The following TIMP2 variants were observed in gnomAD, a reference collection of about 807,000 sequenced individuals.
TIMP2 encodes TIMP metallopeptidase inhibitor 2, also known as metalloproteinase inhibitor 2.
TIMP2 carries 5 observed loss-of-function variants against 24.3 expected under a neutral mutation model. That is an observed-to-expected ratio of 0.21 (90% CI 0.11 to 0.43). The LOEUF (loss-of-function observed/expected upper bound fraction) is 0.43. Ranked by LOEUF, TIMP2 falls within the 20% of genes least tolerant of loss-of-function variation. The pLI is 1.00. For synonymous variants in TIMP2, 130 were observed against 123.2 expected, an observed-to-expected ratio of 1.06 and a Z score of -0.37; for missense variants, 221 against 297.5, an observed-to-expected ratio of 0.74 and a Z score of 1.89.
At chr17:78,856,017 C>A (rs956521705) in intron 4 of TIMP2, 153 bp from the exon 5 acceptor site, 2 of 733,990 alleles carry the variant, frequency 2.7e-6, no homozygotes, top group African/African-American at 3.5e-5. Context: ...CCTGCAGGGG[C>A]AGGCAGCTGG....
At position 78,870,997 on chromosome 17, in the gene TIMP2, C is replaced by T; in HGVS notation, c.241G>A (p.Gly81Arg). ...ATAAACTCTATATCCTTCTCAGGCCCTTTGAACATCTGGAAAGACAAGGAG... is the reference window on the plus strand; with the variant it reads ...ATAAACTCTATATCCTTCTCAGGCCTTTTGAACATCTGGAAAGACAAGGAG... Reference protein sequence around the residue: ...YEIKQIKMFKGPEKDIEFIYT... With the variant: ...YEIKQIKMFKRPEKDIEFIYT... The change falls in exon 3 of 5, where the codon GGG becomes AGG. Residue 81 changes from glycine (G) to arginine (R), a missense_variant. Gly to Arg is a moderately radical substitution (Grantham distance 125). Transcript: ENST00000262768. 1 of 1,611,616 alleles carries T rather than the reference C, an allele frequency of 6.2e-7. No individual in the cohort carries two copies.
chr17:78,896,194 A>G lies in TIMP2; in HGVS notation c.131-22275T>C, dbSNP rs527270583. Among the ~76,000 whole-genome samples, 178 of 152,068 alleles carry G rather than the reference A, an allele frequency of 1.2e-3. No homozygotes were observed. Among genetic ancestry groups the G allele is most frequent in the African/African-American group, 4.2e-3 (176 of 41,502 alleles). On this transcript the variant is annotated intron_variant, in intron 1 of 4. Coordinates refer to ENST00000262768, the MANE Select transcript of TIMP2 (RefSeq NM_003255.5). This position sits in a 1 kb window ranked among gnomAD's most constrained non-coding sequence, Gnocchi z 4.4. Reference sequence around the variant, plus strand: ...TGCTCTCCCCTCTGAGACCCTCCCCACTTACTAACTTGAGGCAGAGGGCAG... The same window carrying G: ...TGCTCTCCCCTCTGAGACCCTCCCCGCTTACTAACTTGAGGCAGAGGGCAG...
intron 1 of TIMP2, among the ~76,000 whole-genome samples, chr17:78,919,563 G>A (rs952939116): frequency 2.6e-5 from 4 of 152,126 alleles, no homozygotes; most frequent in Non-Finnish European, 4.4e-5. Context: ...TGCTGGGTGC[G>A]GTGGCTCAAG....
intron 1 of TIMP2, among the ~76,000 whole-genome samples, chr17:78,888,790 C>T (rs550400459): frequency 2.0e-5 from 3 of 152,190 alleles, no homozygotes; most frequent in Admixed American, 1.3e-4. Flanking sequence ...AGGGAGGTAG[C>T]GCACAGGTAG....
intron 1 of TIMP2, chr17:78,892,251 C>T (rs745769965): frequency 6.4e-7 from 1 of 1,550,894 alleles, no homozygotes; most frequent in South Asian, 1.2e-5. Context: ...TTGCCCCGGG[C>T]TTGTAGCAAT....
rs191950560 is a variant in TIMP2 at position 78,854,889 on chromosome 17, C to T, written c.*778G>A. 2 of 136,794 alleles carry T rather than the reference C, an allele frequency of 1.5e-5. No individual in the cohort carries two copies. Among genetic ancestry groups the T allele is most frequent in the Non-Finnish European group, 3.0e-5 (2 of 65,928 alleles). The allele number at this position is 136,794 out of a possible 1,614,324, so 8.5% of individuals were successfully genotyped here. A position where few individuals can be genotyped will look rare whatever the true frequency, so the allele number is the denominator to read the frequency against. ...CAGCAGCCTCAGGACAGGACCTCAC[C>T]GATTCCTCCTGCAAGCTGGGGAGCA... On this transcript the variant is annotated 3_prime_UTR_variant, in exon 5 of 5. Transcript: ENST00000262768.
intron 3 of TIMP2, among the ~76,000 whole-genome samples, chr17:78,864,151 G>A (rs2069589643): frequency 6.6e-6 from 1 of 152,136 alleles, no homozygotes; most frequent in Non-Finnish European, 1.5e-5. Flanking sequence ...TGCAGTCCTA[G>A]CTCACTGCAG....
Position 78,891,030 on chromosome 17 carries a change from G to A in TIMP2, c.131-17111C>T. 1 of 1,551,152 alleles carries A rather than the reference G, an allele frequency of 6.4e-7. No homozygotes were observed. Among genetic ancestry groups the A allele is most frequent in the South Asian group, 1.2e-5 (1 of 84,058 alleles). ...GCCGTCGAGCCCACTCTGTCTGCCT[G>A]GTCTTGAAGGTGGAGCTGAAGGGAG... On this transcript the variant is annotated intron_variant, in intron 1 of 4. Coordinates refer to ENST00000262768, the MANE Select transcript of TIMP2 (RefSeq NM_003255.5). The surrounding 1 kb of genome is among the most constrained non-coding windows in gnomAD (Gnocchi z 4.5).
chr17:78,906,605 C>G (rs1487658203), intron 1 of TIMP2, among the ~76,000 whole-genome samples: 1 of 151,882 alleles, frequency 6.6e-6, no homozygotes, highest in East Asian at 1.9e-4. Flanking sequence ...TTTTTTGAGA[C>G]AGAGTCTCGC....
In TIMP2 at chr17:78,896,712, G is replaced by A. The variant is rs1426975565; in HGVS notation, c.131-22793C>T. The stretch of plus-strand genomic sequence containing the variant: ...CAGCTCCCCCCTCCGCAGAAGCCGC[G>A]CTCGGAGCAGCAGAAGGAAGGCGAG... On this transcript the variant is annotated intron_variant, in intron 1 of 4. Coordinates refer to ENST00000262768, the MANE Select transcript of TIMP2 (RefSeq NM_003255.5). The surrounding 1 kb of genome is among the most constrained non-coding windows in gnomAD (Gnocchi z 4.4). Among the ~76,000 whole-genome samples the A allele has an allele frequency of 3.3e-5, 5 of 152,002 alleles. No individual in the cohort carries two copies. The highest frequency in any genetic ancestry group is 2.1e-4 in the South Asian group (1 of 4,822).
chr17:78,857,943 G>T (rs1001452192), intron 3 of TIMP2, among the ~76,000 whole-genome samples: 1 of 151,974 alleles, frequency 6.6e-6, no homozygotes, highest in African/African-American at 2.4e-5. Flanking sequence ...GGTGTCACAC[G>T]CCTGTAATCC....
chr17:78,888,661 C>T (rs1038205276), intron 1 of TIMP2, among the ~76,000 whole-genome samples: 6 of 152,178 alleles, frequency 3.9e-5, no homozygotes, highest in Non-Finnish European at 8.8e-5. Context: ...ATGTTGCCCA[C>T]GCTGGTCTCG....
At chr17:78,869,683 C>T (rs1325965695) in intron 3 of TIMP2, among the ~76,000 whole-genome samples, 6 of 151,976 alleles carry the variant, frequency 3.9e-5, no homozygotes, top group African/African-American at 1.4e-4. Context: ...GGTGTGGTGG[C>T]GTGTGCCTAT....
intron 1 of TIMP2, among the ~76,000 whole-genome samples, chr17:78,901,566 G>A (rs180792175): frequency 2.9e-3 from 445 of 152,224 alleles, no homozygotes; most frequent in Non-Finnish European, 5.1e-3. Flanking sequence ...AGGAGGTGAG[G>A]TGGGGCAAGG....
chr17:78,908,608 C>T (rs916931130), intron 1 of TIMP2, among the ~76,000 whole-genome samples: 2 of 152,208 alleles, frequency 1.3e-5, no homozygotes, highest in Admixed American at 6.5e-5. Context: ...GGCAAGTCAT[C>T]GGCTGCTCCC....
chr17:78,895,497 G>A (rs997777898), intron 1 of TIMP2, among the ~76,000 whole-genome samples: 1 of 152,208 alleles, frequency 6.6e-6, no homozygotes, highest in Non-Finnish European at 1.5e-5. Context: ...TGAGGAAGGA[G>A]GGGGAGGAAT....
intron 1 of TIMP2, among the ~76,000 whole-genome samples, chr17:78,893,186 G>T (rs1230729118): frequency 7.5e-6 from 1 of 134,222 alleles, no homozygotes; most frequent in African/African-American, 3.0e-5. Context: ...TGTGTGTGCA[G>T]GGGTGTGTGC....
At position 78,891,079 on chromosome 17, in the gene TIMP2, G is replaced by T; in HGVS notation, c.131-17160C>A. On this transcript the variant is annotated intron_variant, in intron 1 of 4. Coordinates refer to ENST00000262768, the MANE Select transcript of TIMP2 (RefSeq NM_003255.5). This position sits in a 1 kb window ranked among gnomAD's most constrained non-coding sequence, Gnocchi z 4.5. ...AGCCCTCTGCCAGCGTGCCCAGTTT[G>T]GGGGTCTCTTGTCCAGATTCAGTGC... 1.3e-6 allele frequency: 2 copies of T among 1,550,966 alleles called. No homozygotes were observed. The highest frequency in any genetic ancestry group is 1.7e-6 in the Non-Finnish European group (2 of 1,147,070).
At chr17:78,876,641 T>G (rs1599151919) in intron 1 of TIMP2, among the ~76,000 whole-genome samples, 1 of 151,038 alleles carries the variant, frequency 6.6e-6, no homozygotes, top group Non-Finnish European at 1.5e-5. Flanking sequence ...CTCAGCCTCC[T>G]GAGTAGCTGG....
Sources: allele counts gnomAD v4.1 joint callset (sites outside exome capture counted in the v4.1 genomes callset), GRCh38; gene constraint gnomAD v4.1.1; non-coding constraint Gnocchi (gnomAD v3.1); transcripts MANE v1.5; gene names NCBI Gene and HGNC (gene_info 2026-07-23, HGNC 2026-07-21).